Variants in COL10A1 observed in about 807,000 individuals in gnomAD.
The protein encoded by COL10A1 is collagen alpha-1(X) chain.
Under a neutral mutation model 18.2 loss-of-function variants are expected in COL10A1, and 10 were observed. That is an observed-to-expected ratio of 0.55 (90% CI 0.34 to 0.93). The LOEUF is 0.93. Ranked by LOEUF, COL10A1 falls within the 40% of genes least tolerant of loss-of-function variation. COL10A1 has a pLI of 0.02. For missense variants in COL10A1, 897 were observed against 853.5 expected (o/e 1.05, Z -0.64); for synonymous variants, 330 against 316.6 (o/e 1.04, Z -0.45).
the COL10A1 span, among the ~76,000 whole-genome samples, chr6:116,212,762 AATTG>A: frequency 6.6e-6 from 1 of 152,130 alleles, no homozygotes; most frequent in Non-Finnish European, 1.5e-5. Flanking sequence ...GTATTTCAGC[AATTG>A]ATTATTATTT....
upstream of COL10A1, among the ~76,000 whole-genome samples, chr6:116,160,580 G>A (rs1418453259): frequency 6.6e-6 from 1 of 151,852 alleles, no homozygotes; most frequent in East Asian, 1.9e-4. Context: ...TTGTCTATTT[G>A]CTGTGTTATT....
the COL10A1 span, among the ~76,000 whole-genome samples, chr6:116,164,365 G>C: frequency 2.0e-5 from 3 of 151,898 alleles, no homozygotes; most frequent in East Asian, 5.8e-4. Flanking sequence ...TTTTACTCTT[G>C]TTGGTTTAAA....
At chr6:116,141,316 A>T in intron 1 of COL10A1, among the ~76,000 whole-genome samples, 1 of 147,330 alleles carries the variant, frequency 6.8e-6, no homozygotes, top group Non-Finnish European at 1.5e-5. Flanking sequence ...TATTTTTGAT[A>T]TTTATTTTCG....
chr6:116,193,762 C>T, the COL10A1 span, among the ~76,000 whole-genome samples: 3 of 107,382 alleles, frequency 2.8e-5, no homozygotes, highest in African/African-American at 8.3e-5. Flanking sequence ...TATAATTATA[C>T]TGTTAAAAAT....
the COL10A1 span, among the ~76,000 whole-genome samples, chr6:116,197,243 G>A: frequency 1.3e-5 from 2 of 151,906 alleles, no homozygotes; most frequent in African/African-American, 4.8e-5. Flanking sequence ...TAATGATGTC[G>A]ATGTCAGCTT....
intron 1 of COL10A1, among the ~76,000 whole-genome samples, chr6:116,150,602 A>G (rs1475365387): frequency 6.6e-6 from 1 of 152,088 alleles, no homozygotes; most frequent in East Asian, 1.9e-4. Context: ...TGGGGTTTTA[A>G]ATTAGAATGG....
At chr6:116,146,316 G>A (rs947009439) in intron 1 of COL10A1, among the ~76,000 whole-genome samples, 2 of 152,146 alleles carry the variant, frequency 1.3e-5, no homozygotes, top group Non-Finnish European at 2.9e-5. Context: ...TGAGTAGGTG[G>A]CGTCAACCTG....
At chr6:116,145,449 G>A in intron 1 of COL10A1, 1 of 386,788 alleles carries the variant, frequency 2.6e-6, no homozygotes, top group South Asian at 2.0e-5. Context: ...AAGAAGATTG[G>A]CCACATCCTT....
intron 1 of COL10A1, among the ~76,000 whole-genome samples, chr6:116,152,017 G>A (rs1195104632): frequency 6.6e-6 from 1 of 152,160 alleles, no homozygotes; most frequent in Non-Finnish European, 1.5e-5. Flanking sequence ...TGACTAAGAT[G>A]CAGGATTATA....
intron 1 of COL10A1, among the ~76,000 whole-genome samples, chr6:116,150,898 C>CA (rs1453663275): frequency 3.3e-5 from 5 of 152,188 alleles, no homozygotes; most frequent in Admixed American, 6.5e-5. Flanking sequence ...TTAACCATTA[C>CA]ATAGGTTGAT....
At chr6:116,205,527 A>G in the COL10A1 span, among the ~76,000 whole-genome samples, 1 of 151,964 alleles carries the variant, frequency 6.6e-6, no homozygotes, top group African/African-American at 2.4e-5. Flanking sequence ...GTCTCTACAC[A>G]GATATACAGA....
the COL10A1 span, among the ~76,000 whole-genome samples, chr6:116,187,595 A>G: frequency 5.7e-3 from 867 of 152,222 alleles, 17 homozygotes; most frequent in South Asian, 0.046. Context: ...ATGACAGAAC[A>G]GGTACAGCAG....
At chr6:116,182,786 C>T in the COL10A1 span, among the ~76,000 whole-genome samples, 1 of 151,900 alleles carries the variant, frequency 6.6e-6, no homozygotes, top group South Asian at 2.1e-4. Flanking sequence ...CTAGATATTA[C>T]TCCTTTGTTG....
At chr6:116,215,921 T>C in the COL10A1 span, among the ~76,000 whole-genome samples, 1 of 152,152 alleles carries the variant, frequency 6.6e-6, no homozygotes, top group Non-Finnish European at 1.5e-5. Flanking sequence ...TTTGATGGCT[T>C]TGGAGAGATA....
the COL10A1 span, among the ~76,000 whole-genome samples, chr6:116,207,078 AT>A: frequency 6.6e-6 from 1 of 151,920 alleles, no homozygotes; most frequent in Non-Finnish European, 1.5e-5. Context: ...AAAGAATGTA[AT>A]TTTTTATTAG....
the COL10A1 span, among the ~76,000 whole-genome samples, chr6:116,205,453 T>C: frequency 7.2e-6 from 1 of 139,024 alleles, no homozygotes; most frequent in South Asian, 2.2e-4. Context: ...GAAAGATAAT[T>C]TCCCTGTTAT....
At chr6:116,178,052 A>AGTGTGTGTGTGTGTGTGTGT in the COL10A1 span, among the ~76,000 whole-genome samples, 21 of 136,416 alleles carry the variant, frequency 1.5e-4, no homozygotes, top group African/African-American at 4.9e-4. Context: ...CAAAGAGGAA[A>AGTGTGTGTGTGTGTGTGTGT]GTGTGTGTGT....
the COL10A1 span, among the ~76,000 whole-genome samples, chr6:116,201,199 C>T: frequency 6.6e-6 from 1 of 151,932 alleles, no homozygotes; most frequent in Non-Finnish European, 1.5e-5. Flanking sequence ...AATACATGAG[C>T]AGATAAAAAA....
chr6:116,190,982 CTTTAT>C, the COL10A1 span, among the ~76,000 whole-genome samples: 4 of 151,970 alleles, frequency 2.6e-5, no homozygotes, highest in African/African-American at 9.7e-5. Flanking sequence ...AACTCCAGCT[CTTTAT>C]TTTAAGTGAG....
Sources: gnomAD v4.1 joint callset for allele counts (sites outside exome capture counted in the v4.1 genomes callset) on GRCh38, gnomAD v4.1.1 for gene constraint, MANE v1.5 for transcripts, NCBI Gene and HGNC (gene_info 2026-07-23, HGNC 2026-07-21) for gene names.